ZNF282: variants seen among roughly 807,000 people sequenced by gnomAD.
ZNF282 encodes zinc finger protein 282, also known as HTLV-I U5 repressive element-binding protein 1.
Under a neutral mutation model 61.9 loss-of-function variants are expected in ZNF282, and 30 were observed. The observed-to-expected ratio is 0.48, with a 90% CI of 0.36 to 0.66. The LOEUF (loss-of-function observed/expected upper bound fraction) is 0.66, where lower values mean the gene tolerates loss of function less well. ZNF282 is among the 30% of genes least tolerant of loss of function. The pLI is 0.00. For missense variants in ZNF282, 788 were observed against 941.4 expected, an observed-to-expected ratio of 0.84 and a Z score of 2.13; for synonymous variants, 396 against 405.0, an observed-to-expected ratio of 0.98 and a Z score of 0.27.
Position 149,204,474 on chromosome 7 carries a change from G to A in ZNF282, c.586-2222G>A, listed in dbSNP as rs540935818. On this transcript the variant is annotated intron_variant, in intron 2 of 7. Coordinates refer to ENST00000610704, the MANE Select transcript of ZNF282 (RefSeq NM_003575.4). Reference sequence around the variant, plus strand: ...CGTGTTGAGGGAAGGTTTTTCTGAGGTTGGAATGACCCTGAAGGACGGAGC... The same window carrying A: ...CGTGTTGAGGGAAGGTTTTTCTGAGATTGGAATGACCCTGAAGGACGGAGC... Among the ~76,000 whole-genome samples the A allele has an allele frequency of 2.6e-5, 4 of 152,236 alleles. No individual in the cohort carries two copies. The East Asian group carries it at 7.7e-4, about 29-fold the overall frequency.
chr7:149,201,122 C>T (rs745489490), intron 2 of ZNF282, among the ~76,000 whole-genome samples: 4 of 152,234 alleles, frequency 2.6e-5, no homozygotes, highest in Non-Finnish European at 5.9e-5. Flanking sequence ...GTCCTCATCT[C>T]CGTTGATGAC....
intron 2 of ZNF282, among the ~76,000 whole-genome samples, chr7:149,200,804 C>G (rs1015498206): frequency 1.8e-4 from 27 of 152,080 alleles, no homozygotes; most frequent in Non-Finnish European, 1.9e-4. Context: ...ACCATGTTGG[C>G]CAGGCTGGTC....
chr7:149,203,873 A>T (rs1319803479), intron 2 of ZNF282, among the ~76,000 whole-genome samples: 1 of 152,196 alleles, frequency 6.6e-6, no homozygotes, highest in Non-Finnish European at 1.5e-5. Flanking sequence ...GGAAGACACT[A>T]TGTAGATTAT....
At chr7:149,212,228 A>AAC in intron 5 of ZNF282, 130 bp from the exon 6 acceptor site, 2 of 620,912 alleles carry the variant, frequency 3.2e-6, no homozygotes, top group Non-Finnish European at 5.5e-6. Context: ...AGTTAATGAG[A>AAC]CTTATGTAAT....
chr7:149,226,008 G>T lies in ZNF282; in HGVS notation c.*1361G>T, dbSNP rs1796366467. ...TTTCCCTGCCCTTGCCGTGGGTCCG[G>T]CGTTCCTCCCAGCCGGGATCACAGT... On this transcript the variant is annotated 3_prime_UTR_variant, in exon 8 of 8. Transcript: ENST00000610704. The T allele has an allele frequency of 6.5e-6, 1 of 152,674 alleles. No homozygotes were observed. The highest frequency in any genetic ancestry group is 2.4e-5 in the African/African-American group (1 of 41,478). 9.5% of individuals were successfully genotyped at this position (152,674 alleles called of 1,614,324 possible).
rs1337825061 is a variant in ZNF282 at position 149,224,107 on chromosome 7, AGGC to A, written c.1483_1485del (p.Gly495del). On this transcript the variant is annotated inframe_deletion, in exon 8 of 8. Transcript: ENST00000610704. ...GCGGCGCGGAGGCGGGGACGGGGGCAGGCGGCGGCTGTGGCAGCTGCTGCCCTG... is the reference window on the plus strand; with the variant it reads ...GCGGCGCGGAGGCGGGGACGGGGGCAGGCGGCTGTGGCAGCTGCTGCCCTG... The A allele has an allele frequency of 7.1e-7, 1 of 1,408,296 alleles. No individual in the cohort carries two copies. Among genetic ancestry groups the A allele is most frequent in the Admixed American group, 3.0e-5 (1 of 33,672 alleles). 87.2% of individuals were successfully genotyped at this position (1,408,296 alleles called of 1,614,324 possible).
chr7:149,225,159 C>G lies in ZNF282; in HGVS notation c.*512C>G, dbSNP rs1287961679. ...TTATCCATTTCACCCTTGGCCTATCCCTCTCAGATAGGTGGGGTAGGATTT... is the reference window on the plus strand; with the variant it reads ...TTATCCATTTCACCCTTGGCCTATCGCTCTCAGATAGGTGGGGTAGGATTT... On this transcript the variant is annotated 3_prime_UTR_variant, in exon 8 of 8. Transcript: ENST00000610704. 1 of 157,710 alleles carries G rather than the reference C, an allele frequency of 6.3e-6. No individual in the cohort carries two copies. Among genetic ancestry groups the G allele is most frequent in the African/African-American group, 2.4e-5 (1 of 41,464 alleles). The allele number at this position is 157,710 out of a possible 1,614,324, so 9.8% of individuals were successfully genotyped here.
At position 149,224,690 on chromosome 7, in the gene ZNF282, G is replaced by A. The variant is rs1465658405; in HGVS notation, c.*43G>A. 1.4e-6 allele frequency: 2 copies of A among 1,452,316 alleles called. No homozygotes were observed. Among genetic ancestry groups the A allele is most frequent in the Middle Eastern group, 2.2e-4 (1 of 4,526 alleles). The allele number at this position is 1,452,316 out of a possible 1,614,324, so 90.0% of individuals were successfully genotyped here. ...GCAGGGCCGGACGGAGTGGATCGGG[G>A]GCGGCCTGAGCACCAACCACCTTGC... On this transcript the variant is annotated 3_prime_UTR_variant, in exon 8 of 8. Transcript: ENST00000610704.
chr7:149,203,706 C>G (rs1376889837), intron 2 of ZNF282, among the ~76,000 whole-genome samples: 1 of 152,142 alleles, frequency 6.6e-6, no homozygotes, highest in African/African-American at 2.4e-5. Flanking sequence ...TTTGTTGTTT[C>G]TGAGCCTCCT....
At position 149,224,627 on chromosome 7, in the gene ZNF282, C is replaced by T. The variant is rs943070141; in HGVS notation, c.1996C>T (p.Pro666Ser). The part of the protein sequence containing the change: ...PGPGAPRQLP[P>S]PPERD ...CCCCGGCGCCCCACGGCAGCTCCCG[C>T]CGCCTCCTGAGCGAGACTAGGGCTG... Residue 666 changes from proline to serine, a missense_variant, in exon 8 of 8, where the codon CCG becomes TCG. Physicochemically the swap from Pro to Ser is moderately conservative, Grantham distance 74. This residue lies in a region of ZNF282 where 559 missense variants were observed against 642.0 expected (regional missense o/e 0.87). Transcript: ENST00000610704. 6.5e-7 allele frequency: 1 copy of T among 1,533,970 alleles called. No individual in the cohort carries two copies. Among genetic ancestry groups the T allele is most frequent in the Non-Finnish European group, 8.7e-7 (1 of 1,144,324 alleles).
chr7:149,207,767 C>G (rs1796019888), intron 4 of ZNF282, among the ~76,000 whole-genome samples: 1 of 152,244 alleles, frequency 6.6e-6, no homozygotes, highest in Non-Finnish European at 1.5e-5. Context: ...TACGCTACCG[C>G]CCCAGGCCCG....
In ZNF282 at chr7:149,224,628, C is replaced by T. The variant is rs1239722020; in HGVS notation, c.1997C>T (p.Pro666Leu). ...CCCGGCGCCCCACGGCAGCTCCCGC[C>T]GCCTCCTGAGCGAGACTAGGGCTGG... ...PGPGAPRQLP[P>L]PPERD The change falls in exon 8 of 8, where the codon CCG becomes CTG. Residue 666 changes from proline to leucine, a missense_variant. Physicochemically the swap from Pro to Leu is moderately conservative, Grantham distance 98. Transcript: ENST00000610704. 3 of 1,532,868 alleles carry T rather than the reference C, an allele frequency of 2.0e-6. No individual in the cohort carries two copies. The highest frequency in any genetic ancestry group is 2.4e-5 in the East Asian group (1 of 41,084). The allele number at this position is 1,532,868 out of a possible 1,614,324, so 95.0% of individuals were successfully genotyped here.
intron 2 of ZNF282, among the ~76,000 whole-genome samples, chr7:149,199,426 G>A (rs1232710689): frequency 1.3e-5 from 2 of 151,632 alleles, no homozygotes; most frequent in African/African-American, 4.9e-5. Context: ...CACCCCCAGC[G>A]TCTCTCTCCT....
intron 5 of ZNF282, among the ~76,000 whole-genome samples, 159 bp downstream of exon 5, chr7:149,210,863 T>A (rs934655217): frequency 1.3e-5 from 2 of 152,196 alleles, no homozygotes; most frequent in Non-Finnish European, 2.9e-5. Flanking sequence ...TGAGCCAGGA[T>A]TCCTCCAGGA....
intron 7 of ZNF282, among the ~76,000 whole-genome samples, chr7:149,217,862 T>C (rs1796183449): frequency 6.6e-6 from 1 of 151,402 alleles, no homozygotes; most frequent in Non-Finnish European, 1.5e-5. Context: ...CATGGAGGCT[T>C]TGGGGAGGAG....
At chr7:149,206,611 G>T (rs1795993757) in intron 2 of ZNF282, 85 bp from the exon 3 acceptor site, 2 of 1,592,826 alleles carry the variant, frequency 1.3e-6, no homozygotes, top group South Asian at 1.1e-5. Context: ...CTTTGGTGGG[G>T]AGTGGGTCTT....
intron 2 of ZNF282, among the ~76,000 whole-genome samples, chr7:149,200,341 C>A (rs1202403): frequency 2.0e-4 from 30 of 152,220 alleles, no homozygotes; most frequent in African/African-American, 2.9e-4. Context: ...CTTCATCCTC[C>A]CTGTCCTGTC....
At position 149,212,383 on chromosome 7, in the gene ZNF282, C is replaced by T. The variant is rs766132939; in HGVS notation, c.978C>T (p.Leu326=). ...ACTCCCCAATTTCTGCCCAGGACCT[C>T]TTGTCCCGGATTAAACAGGAGGAGC... ...ITDSPISAQD[L]LSRIKQEEHQ... Residue 326 remains leucine (L), a synonymous_variant, in exon 6 of 8, where the codon CTC becomes CTT. Transcript: ENST00000610704. The T allele has an allele frequency of 1.9e-6, 3 of 1,612,148 alleles. No homozygotes were observed. The highest frequency in any genetic ancestry group is 2.5e-6 in the Non-Finnish European group (3 of 1,179,240).
chr7:149,205,143 AAAAC>A (rs1404917054), intron 2 of ZNF282, among the ~76,000 whole-genome samples: 1 of 152,058 alleles, frequency 6.6e-6, no homozygotes, highest in Non-Finnish European at 1.5e-5. Flanking sequence ...ATAAAAATAA[AAAAC>A]AAAATGAAGA....
Sources: allele counts gnomAD v4.1 joint callset (sites outside exome capture counted in the v4.1 genomes callset), GRCh38; gene constraint gnomAD v4.1.1; regional missense constraint gnomAD v4.1.1; transcripts MANE v1.5; gene names NCBI Gene and HGNC (gene_info 2026-07-23, HGNC 2026-07-21).